NUMA1: variants seen among roughly 807,000 people sequenced by gnomAD.
The protein encoded by NUMA1 is SP-H antigen.
Under a neutral mutation model 237.1 loss-of-function variants are expected in NUMA1, and 62 were observed. The observed-to-expected ratio is 0.26, with a 90% CI of 0.21 to 0.32. The LOEUF (loss-of-function observed/expected upper bound fraction) is 0.32. NUMA1 is among the 10% of genes least tolerant of loss of function. The probability of loss-of-function intolerance (pLI) is 1.00; values close to 1 mark genes in which losing one functional copy is unlikely to be tolerated. For missense variants in NUMA1, 2,533 were observed against 2,666.5 expected (o/e 0.95, Z 1.10); for synonymous variants, 1,028 against 1,066.1 (o/e 0.96, Z 0.70).
chr11:72,021,367 G>A (rs1222625679), intron 7 of NUMA1, 76 bp from the exon 8 acceptor site: 6 of 1,299,680 alleles, frequency 4.6e-6, no homozygotes, highest in Admixed American at 1.8e-5. Flanking sequence ...GCTCCACCCT[G>A]GCAGTGCCAG....
chr11:72,015,881 T>G lies in NUMA1; in HGVS notation c.1622A>C (p.Gln541Pro), dbSNP rs61756007. Residue 541 changes from glutamine (Q) to proline (P), a missense_variant, in exon 15 of 27, where the codon CAG (glutamine) becomes CCG (proline). Gln to Pro is a moderately conservative substitution (Grantham distance 76). Coordinates refer to ENST00000393695, the MANE Select transcript of NUMA1 (RefSeq NM_006185.4). This position sits in a 1 kb window ranked among gnomAD's most constrained non-coding sequence, Gnocchi z 4.0. ...KQAQLAQTLQ[Q>P]QEQASQGLRH... is the part of the protein sequence containing the mutation. ...GAGGCCCTGGGAGGCCTGTTCTTGC[T>G]GTTGGAGGGTCTGTGCTAGCTGGGC... 6.2e-6 allele frequency: 10 copies of G among 1,614,180 alleles called. No individual in the cohort carries two copies. Among genetic ancestry groups the G allele is most frequent in the Admixed American group, 1.7e-5 (1 of 60,034 alleles).
intron 1 of NUMA1, among the ~76,000 whole-genome samples, chr11:72,072,904 C>T (rs868626953): frequency 5.9e-5 from 9 of 151,902 alleles, no homozygotes; most frequent in Middle Eastern, 6.8e-3. Flanking sequence ...TAGCTGGGCG[C>T]GGTGGCGGGT....
rs1274195739 is a variant in NUMA1, at chr11:72,028,151, G to T, written c.128+1054C>A. 1.1e-4 allele frequency among the ~76,000 whole-genome samples: 17 copies of T among 152,202 alleles called. 1 individual carries two copies. On this transcript the variant is annotated intron_variant, in intron 4 of 26. Transcript: ENST00000393695. ...TTGGCCCCGCTAGACCTTGCTGATA[G>T]AGAACACCAACTCATCTCTTCACTC...
Position 72,016,256 on chromosome 11 carries a change from T to C in NUMA1, c.1247A>G (p.Glu416Gly). 1 of 1,594,424 alleles carries C rather than the reference T, an allele frequency of 6.3e-7. No homozygotes were observed. Among genetic ancestry groups the C allele is most frequent in the African/African-American group, 1.3e-5 (1 of 74,652 alleles). The change falls in exon 15 of 27, where the codon GAA becomes GGA. Residue 416 changes from glutamate to glycine, a missense_variant. Glu to Gly is a moderately conservative substitution (Grantham distance 98). Coordinates refer to ENST00000393695, the MANE Select transcript of NUMA1 (RefSeq NM_006185.4). ...AGTGGCTGCCTCTTGCTTCAAGGTTTCCAGCTGGTGGTATAAAGAGACAAA... is the reference window on the plus strand; with the variant it reads ...AGTGGCTGCCTCTTGCTTCAAGGTTCCCAGCTGGTGGTATAAAGAGACAAA... ...GEVLGDVLQL[E>G]TLKQEAATLA...
At chr11:72,062,725 C>G (rs1390261639) in intron 2 of NUMA1, 1 of 151,950 alleles carries the variant, frequency 6.6e-6, no homozygotes. Flanking sequence ...AAAAAACAAA[C>G]AAAGAACAGT....
At chr11:72,037,809 T>C (rs1049198906) in intron 2 of NUMA1, among the ~76,000 whole-genome samples, 3 of 152,180 alleles carry the variant, frequency 2.0e-5, no homozygotes, top group Admixed American at 6.5e-5. Context: ...AAGAGAGCTC[T>C]CAGGAGGGCA....
intron 9 of NUMA1, 56 bp from the exon 10 acceptor site, chr11:72,019,036 A>G (rs1938345511): frequency 6.3e-7 from 1 of 1,589,788 alleles, no homozygotes; most frequent in South Asian, 1.1e-5. Flanking sequence ...TGAAGCAATC[A>G]GCAACAGGCA....
chr11:72,016,865 TCTGGGCAGCAATACCA>T lies in NUMA1; in HGVS notation c.1120-351_1120-336del, dbSNP rs1937866670. On this transcript the variant is annotated intron_variant, in intron 13 of 26. Transcript: ENST00000393695. ...AATCACCACCAGCTGCCCACCATCC[TCTGGGCAGCAATACCA>T]CTGGCAGCAGCTGCAGCAACCCCCA... is the stretch of plus-strand genomic sequence containing the variant. The T allele has an allele frequency of 5.3e-5, 12 of 225,958 alleles. No homozygotes were observed. The South Asian group carries it at 9.1e-4, about 17-fold the overall frequency. The allele number at this position is 225,958 out of a possible 1,614,324, so 14.0% of individuals were successfully genotyped here.
rs190398874 is a variant in NUMA1 at position 72,019,241 on chromosome 11, G to C, written c.584+253C>G. Among the ~76,000 whole-genome samples the C allele has an allele frequency of 3.9e-5, 6 of 152,206 alleles. No individual in the cohort carries two copies. The East Asian group carries it at 7.7e-4, about 20-fold the overall frequency. On this transcript the variant is annotated intron_variant, in intron 9 of 26. Transcript: ENST00000393695. ...GCTCTGCAGAGATGTGCTAAGAGAA[G>C]AGACTTCATTGTAGTCTCCGAGGAA...
chr11:72,056,514 G>GTAT (rs1339372252), intron 2 of NUMA1, among the ~76,000 whole-genome samples: 1 of 151,220 alleles, frequency 6.6e-6, no homozygotes, highest in African/African-American at 2.4e-5. Flanking sequence ...TAGGGACAGG[G>GTAT]TTTTACTATG....
chr11:72,007,230 G>A lies in NUMA1; in HGVS notation c.5422C>T (p.Arg1808Cys), dbSNP rs760257951. The A allele has an allele frequency of 2.2e-5, 35 of 1,612,660 alleles. No individual in the cohort carries two copies. The highest frequency in any genetic ancestry group is 2.7e-5 in the African/African-American group (2 of 74,928). ...TTGATGATCTGCGTGGTGCGCCGAC[G>A]AGCGGAGCGGGTCTTACGACCCGAG... Reference protein sequence around the residue: ...LDSGRKTRSARRRTTQIINIT... With the variant: ...LDSGRKTRSACRRTTQIINIT... Residue 1808 changes from arginine to cysteine, a missense_variant, in exon 21 of 27, where the codon CGT becomes TGT. Physicochemically the swap from Arg to Cys is radical, Grantham distance 180. Coordinates refer to ENST00000393695, the MANE Select transcript of NUMA1 (RefSeq NM_006185.4).
chr11:72,024,059 G>T (rs1396303126), intron 5 of NUMA1: 1 of 512,108 alleles, frequency 2.0e-6, no homozygotes, highest in South Asian at 2.6e-5. Flanking sequence ...CTCCGAGAAG[G>T]GCTCTGGGAC....
rs143956963 is a variant in NUMA1, at chr11:72,017,350, G to C, written c.1119+337C>G. On this transcript the variant is annotated intron_variant, in intron 13 of 26. Transcript: ENST00000393695. Reference sequence around the variant, plus strand: ...GCTTTACATACGTTTTCTCATAATAGGTGATGAGGCAGCTACTCGTTACTA... The same window carrying C: ...GCTTTACATACGTTTTCTCATAATACGTGATGAGGCAGCTACTCGTTACTA... 963 of 372,230 alleles carry C rather than the reference G, an allele frequency of 2.6e-3. 2 individuals are homozygous for C. The highest frequency in any genetic ancestry group is 4.2e-3 in the Middle Eastern group (5 of 1,186). The allele number at this position is 372,230 out of a possible 1,614,324, so 23.1% of individuals were successfully genotyped here.
At chr11:72,075,216 G>A (rs1194097594) in intron 1 of NUMA1, among the ~76,000 whole-genome samples, 1 of 152,078 alleles carries the variant, frequency 6.6e-6, no homozygotes, top group Non-Finnish European at 1.5e-5. Flanking sequence ...AATCTACCCT[G>A]TTATGCTCCG....
At chr11:72,048,538 AT>A (rs1347939117) in intron 2 of NUMA1, among the ~76,000 whole-genome samples, 1 of 151,814 alleles carries the variant, frequency 6.6e-6, no homozygotes, top group Non-Finnish European at 1.5e-5. Flanking sequence ...TGCCGGTCTA[AT>A]TTTTTTTATT....
At chr11:72,012,045 G>A (rs1056233399) in intron 16 of NUMA1, among the ~76,000 whole-genome samples, 1 of 152,326 alleles carries the variant, frequency 6.6e-6, no homozygotes, top group Admixed American at 6.5e-5. Flanking sequence ...GTTCCTCTTA[G>A]TCGGGTATCC....
chr11:72,034,921 A>G (rs1032129375), intron 3 of NUMA1, among the ~76,000 whole-genome samples: 3 of 152,164 alleles, frequency 2.0e-5, no homozygotes, highest in African/African-American at 7.2e-5. Flanking sequence ...CAGTGGTGCA[A>G]TCATGGCTCA....
intron 7 of NUMA1, 103 bp from the exon 8 acceptor site, chr11:72,021,394 G>T: frequency 1.0e-6 from 1 of 957,582 alleles, no homozygotes; most frequent in Non-Finnish European, 1.6e-6. Flanking sequence ...GCTCCCTCAT[G>T]CCCTAGGAGC....
rs576289714 is a variant in NUMA1, at chr11:72,011,055, A to G, written c.4651-201T>C. ...GGGCCTGAATGAGGCAACCTAACAC[A>G]TAGATGTTGCCAGGGCCAACTGTTC... On this transcript the variant is annotated intron_variant, in intron 16 of 26. Transcript: ENST00000393695. 2.0e-5 allele frequency among the ~76,000 whole-genome samples: 3 copies of G among 152,256 alleles called. No homozygotes were observed. The East Asian group carries it at 5.8e-4, about 29-fold the overall frequency.
Sources: allele counts gnomAD v4.1 joint callset (sites outside exome capture counted in the v4.1 genomes callset), GRCh38; gene constraint gnomAD v4.1.1; non-coding constraint Gnocchi (gnomAD v3.1); transcripts MANE v1.5; gene names NCBI Gene and HGNC (gene_info 2026-07-23, HGNC 2026-07-21).